Variants in GDPD5 observed in about 807,000 individuals in gnomAD.
GDPD5 encodes glycerophosphodiester phosphodiesterase domain containing 5, also known as glycerophosphodiester phosphodiesterase 2.
In GDPD5, 48 loss-of-function variants were observed where a neutral mutation model predicts 75.1. The ratio of observed to expected loss-of-function variants is 0.64; its 90% CI spans 0.51 to 0.81. GDPD5 has a LOEUF of 0.81. GDPD5 is among the 40% of genes least tolerant of loss of function. GDPD5 has a pLI of 0.00. For missense variants in GDPD5, 706 were observed against 822.6 expected (o/e 0.86, Z 1.73); for synonymous variants, 336 against 339.0 (o/e 0.99, Z 0.10).
chr11:75,504,161 A>T (rs1198503932), intron 1 of GDPD5, among the ~76,000 whole-genome samples: 1 of 152,190 alleles, frequency 6.6e-6, no homozygotes, highest in Admixed American at 6.5e-5. Flanking sequence ...TCCTATAGCC[A>T]TGGGCAAAAG....
At chr11:75,501,062 G>A (rs918070389) in intron 1 of GDPD5, among the ~76,000 whole-genome samples, 1 of 152,222 alleles carries the variant, frequency 6.6e-6, no homozygotes, top group African/African-American at 2.4e-5. Flanking sequence ...GGCAGGGTCT[G>A]ATCTGACCCT....
At chr11:75,485,331 A>T (rs1277191863) in intron 2 of GDPD5, 1 of 152,242 alleles carries the variant, frequency 6.6e-6, no homozygotes, top group East Asian at 1.9e-4. Flanking sequence ...ACTTTAGTCA[A>T]TCATAATTAA....
At chr11:75,448,787 G>T in intron 9 of GDPD5, 190 bp downstream of exon 9, 1 of 1,178,150 alleles carries the variant, frequency 8.5e-7, no homozygotes, top group Non-Finnish European at 1.1e-6. Context: ...TTTTTAGCAA[G>T]ATGCCTTCAG....
At chr11:75,458,933 G>A (rs1949353726) in intron 4 of GDPD5, among the ~76,000 whole-genome samples, 1 of 151,790 alleles carries the variant, frequency 6.6e-6, no homozygotes, top group Admixed American at 6.6e-5. Context: ...AAAATATCGG[G>A]CTAATTTTTT....
chr11:75,450,302 G>T, intron 6 of GDPD5: 1 of 451,196 alleles, frequency 2.2e-6, no homozygotes, highest in East Asian at 4.1e-5. Context: ...CAGTAAGGGG[G>T]ACCTCCCTGG....
At chr11:75,502,637 C>A (rs528972280) in intron 1 of GDPD5, among the ~76,000 whole-genome samples, 3 of 152,202 alleles carry the variant, frequency 2.0e-5, no homozygotes, top group Non-Finnish European at 4.4e-5. Context: ...TCTGTCCCCC[C>A]ACTTGAATCT....
At position 75,457,636 on chromosome 11, in the gene GDPD5, C is replaced by T. The variant is rs182375632; in HGVS notation, c.315+57G>A. ...GACCCTCCATCAGCCCAGCACAGGG[C>T]CAGTATCCCTTCCCCTGGGAGCAGG... On this transcript the variant is annotated intron_variant, in intron 5 of 16. Transcript: ENST00000336898. 109 of 1,432,256 alleles carry T rather than the reference C, an allele frequency of 7.6e-5. 1 individual carries two copies. In the East Asian group the frequency reaches 1.8e-3, roughly 24 times the overall value. The allele number at this position is 1,432,256 out of a possible 1,614,324, so 88.7% of individuals were successfully genotyped here. A position where few individuals can be genotyped will look rare whatever the true frequency, so the allele number is the denominator to read the frequency against.
At position 75,449,535 on chromosome 11, in the gene GDPD5, C is replaced by A; in HGVS notation, c.550G>T (p.Ala184Ser). The A allele has an allele frequency of 6.3e-7, 1 of 1,579,808 alleles. No homozygotes were observed. The highest frequency in any genetic ancestry group is 1.8e-5 in the Admixed American group (1 of 54,206). The stretch of plus-strand genomic sequence containing the variant: ...TACTCACAGGTCCGCTCTGCGCGGG[C>A]GAACTGTCCTGCCACGATCCAGGAG... ...MLSWIVAGQFARAERTSSQVT... is the reference protein window; with the variant it reads ...MLSWIVAGQFSRAERTSSQVT... Residue 184 changes from alanine (A) to serine (S), a missense_variant, in exon 8 of 17, where the codon GCC (alanine) becomes TCC (serine). Ala to Ser is a moderately conservative substitution (Grantham distance 99, BLOSUM62 1). Transcript: ENST00000336898.
At position 75,483,033 on chromosome 11, in the gene GDPD5, C is replaced by T. The variant is rs188088770; in HGVS notation, c.-60-5238G>A. 3.7e-3 allele frequency among the ~76,000 whole-genome samples: 559 copies of T among 152,310 alleles called. 1 individual carries two copies. The highest frequency in any genetic ancestry group is 5.6e-3 in the Admixed American group (86 of 15,302). On this transcript the variant is annotated intron_variant, in intron 2 of 16. Coordinates refer to ENST00000336898, the MANE Select transcript of GDPD5 (RefSeq NM_030792.8). Reference sequence around the variant, plus strand: ...TCGGCCGCCGGGACGATCTCTGAGACGGGACTCTCTCCACCATCCCTCACC... The same window carrying T: ...TCGGCCGCCGGGACGATCTCTGAGATGGGACTCTCTCCACCATCCCTCACC...
At position 75,435,544 on chromosome 11, in the gene GDPD5, C is replaced by T. The variant is rs764570484; in HGVS notation, c.1781G>A (p.Ser594Asn). The change falls in exon 17 of 17, where the codon AGC becomes AAC. Residue 594 changes from serine (S) to asparagine (N), a missense_variant. Ser to Asn is a conservative substitution (Grantham distance 46, BLOSUM62 1). Coordinates refer to ENST00000336898, the MANE Select transcript of GDPD5 (RefSeq NM_030792.8). ...ATPVGPRGGG[S>N]HTKTLIERSG... ...CCGCTCTATGAGGGTCTTGGTGTGGCTGCCACCCCCTCGGGGGCCCACAGG... is the reference window on the plus strand; with the variant it reads ...CCGCTCTATGAGGGTCTTGGTGTGGTTGCCACCCCCTCGGGGGCCCACAGG... 9 of 1,612,570 alleles carry T rather than the reference C, an allele frequency of 5.6e-6. No homozygotes were observed. The East Asian group carries it at 1.6e-4, about 28-fold the overall frequency.
intron 6 of GDPD5, among the ~76,000 whole-genome samples, chr11:75,456,041 G>C (rs1057420314): frequency 6.6e-6 from 1 of 152,244 alleles, no homozygotes; most frequent in African/African-American, 2.4e-5. Context: ...GGCTGCAGGG[G>C]CTGAGGAAGT....
intron 1 of GDPD5, among the ~76,000 whole-genome samples, chr11:75,499,292 C>T (rs369360165): frequency 1.3e-5 from 2 of 152,106 alleles, no homozygotes; most frequent in African/African-American, 2.4e-5. Context: ...CCCCTTTGTC[C>T]ACAGCCATCA....
intron 2 of GDPD5, among the ~76,000 whole-genome samples, chr11:75,482,322 T>C (rs1949935411): frequency 6.6e-6 from 1 of 152,114 alleles, no homozygotes; most frequent in South Asian, 2.1e-4. Flanking sequence ...AAACCTCTTC[T>C]TTCTCTTCTG....
intron 9 of GDPD5, among the ~76,000 whole-genome samples, chr11:75,445,750 GA>G (rs1948970317): frequency 6.6e-6 from 1 of 152,208 alleles, no homozygotes. Context: ...TAGCACTGGG[GA>G]GCCAGGGAGT....
chr11:75,473,520 C>T (rs892196381), intron 3 of GDPD5, among the ~76,000 whole-genome samples: 1 of 152,130 alleles, frequency 6.6e-6, no homozygotes, highest in African/African-American at 2.4e-5. Flanking sequence ...TCACTCCCCA[C>T]ATAGACACCT....
chr11:75,457,654 G>A, intron 5 of GDPD5, 39 bp downstream of exon 5: 1 of 1,565,414 alleles, frequency 6.4e-7, no homozygotes, highest in Non-Finnish European at 8.8e-7. Flanking sequence ...CCTTCCCCTG[G>A]GAGCAGGGCC....
In GDPD5 at chr11:75,471,118, A is replaced by G. The variant is rs145813776; in HGVS notation, c.117+6501T>C. On this transcript the variant is annotated intron_variant, in intron 3 of 16. Coordinates refer to ENST00000336898, the MANE Select transcript of GDPD5 (RefSeq NM_030792.8). ...AATCTTGGGCACCTCAGCTCTTCCA[A>G]TGGTCAGCCTGTTCCACCTTCACCA... Among the ~76,000 whole-genome samples the G allele has an allele frequency of 5.2e-4, 79 of 152,318 alleles. 1 individual carries two copies. The East Asian group carries it at 8.1e-3, about 16-fold the overall frequency.
intron 1 of GDPD5, among the ~76,000 whole-genome samples, chr11:75,503,623 CGAAG>C (rs1227108552): frequency 1.3e-5 from 2 of 152,156 alleles, no homozygotes; most frequent in African/African-American, 4.8e-5. Flanking sequence ...AATAAATGAG[CGAAG>C]GAAGGAATAG....
intron 6 of GDPD5, 67 bp from the exon 7 acceptor site, chr11:75,450,050 G>A: frequency 7.8e-7 from 1 of 1,286,300 alleles, no homozygotes; most frequent in African/African-American, 1.5e-5. Flanking sequence ...GTGTCTGAGA[G>A]AGGAGCCAGA....
Sources: gnomAD v4.1 joint callset for allele counts (sites outside exome capture counted in the v4.1 genomes callset) on GRCh38, gnomAD v4.1.1 for gene constraint, MANE v1.5 for transcripts, NCBI Gene and HGNC (gene_info 2026-07-23, HGNC 2026-07-21) for gene names.